The following NKAIN2 variants were observed in gnomAD, a reference collection of about 807,000 sequenced individuals.
NKAIN2 encodes the protein sodium/potassium transporting ATPase interacting 2, also known as sodium/potassium-transporting ATPase subunit beta-1-interacting protein 2.
A neutral mutation model predicts 32.6 loss-of-function variants in NKAIN2; 14 were observed. The observed-to-expected ratio is 0.43, with a 90% CI of 0.28 to 0.67. The LOEUF (loss-of-function observed/expected upper bound fraction) is 0.67. Among genes scored for constraint, NKAIN2 ranks in the 30% least tolerant of loss-of-function variants. NKAIN2 has a pLI of 0.17. For synonymous variants in NKAIN2, 80 were observed against 87.2 expected, an observed-to-expected ratio of 0.92 and a Z score of 0.46; for missense variants, 198 against 258.3, an observed-to-expected ratio of 0.77 and a Z score of 1.60.
At chr6:124,565,383 A>G (rs982525049) in intron 3 of NKAIN2, among the ~76,000 whole-genome samples, 1 of 152,216 alleles carries the variant, frequency 6.6e-6, no homozygotes, top group Non-Finnish European at 1.5e-5. Context: ...TATAATTCAT[A>G]TGAGAGGGCA....
intron 3 of NKAIN2, among the ~76,000 whole-genome samples, chr6:124,488,112 T>A (rs1777726044): frequency 6.6e-6 from 1 of 152,066 alleles, no homozygotes; most frequent in Non-Finnish European, 1.5e-5. Context: ...GCAGCATGCA[T>A]CAAAATTAAT....
intron 1 of NKAIN2, among the ~76,000 whole-genome samples, chr6:123,900,532 GTTTTTTTTTTTTTT>G (rs34370743): frequency 0.01 from 341 of 32,764 alleles, 2 homozygotes; most frequent in Middle Eastern, 0.022. Flanking sequence ...CTCCAGATTA[GTTTTTTTTTTTTTT>G]TTTTTTTTTT....
intron 1 of NKAIN2, among the ~76,000 whole-genome samples, chr6:124,247,515 G>T (rs528297784): frequency 1.3e-5 from 2 of 152,160 alleles, no homozygotes; most frequent in East Asian, 1.9e-4. Flanking sequence ...TATGATATTG[G>T]TATATCAGAA....
In NKAIN2 at chr6:124,019,831, A is replaced by T. The variant is rs78299666; in HGVS notation, c.54+215577A>T. Among the ~76,000 whole-genome samples the T allele has an allele frequency of 4.3e-3, 652 of 152,242 alleles. 25 individuals carry two copies. In the East Asian group the frequency reaches 0.092, roughly 22 times the overall value. ...GATCCCCATCCTGCCCTCACTGGGG[A>T]TAACCACTATTCTCCATTATAACTA... On this transcript the variant is annotated intron_variant, in intron 1 of 6. Coordinates refer to ENST00000368417, the MANE Select transcript of NKAIN2 (RefSeq NM_001040214.3).
At chr6:124,757,401 G>A (rs1054022184) in intron 4 of NKAIN2, among the ~76,000 whole-genome samples, 3 of 152,020 alleles carry the variant, frequency 2.0e-5, no homozygotes, top group African/African-American at 7.2e-5. Flanking sequence ...CTGGATCCCT[G>A]TTCTCATTTT....
intron 1 of NKAIN2, among the ~76,000 whole-genome samples, chr6:123,932,247 T>C (rs1459070765): frequency 6.6e-6 from 1 of 152,094 alleles, no homozygotes; most frequent in Non-Finnish European, 1.5e-5. Context: ...AGATTTTATT[T>C]AATTCCAGTG....
intron 1 of NKAIN2, among the ~76,000 whole-genome samples, chr6:124,026,348 A>G (rs1377341815): frequency 6.7e-6 from 1 of 150,276 alleles, no homozygotes; most frequent in Non-Finnish European, 1.5e-5. Context: ...ATATTCTCTT[A>G]ACCAAATTAG....
chr6:124,080,761 G>A (rs1434871568), intron 1 of NKAIN2, among the ~76,000 whole-genome samples: 1 of 151,942 alleles, frequency 6.6e-6, no homozygotes, highest in African/African-American at 2.4e-5. Context: ...GATCTTTATA[G>A]AAGGCCTTTT....
chr6:123,843,441 CCTT>C (rs1371410424), intron 1 of NKAIN2, among the ~76,000 whole-genome samples: 1 of 152,130 alleles, frequency 6.6e-6, no homozygotes, highest in East Asian at 1.9e-4. Context: ...CTTCTTCTCT[CCTT>C]CTCTGCCGAG....
chr6:124,025,459 GAAA>G (rs5879714), intron 1 of NKAIN2, among the ~76,000 whole-genome samples: 8 of 149,348 alleles, frequency 5.4e-5, no homozygotes, highest in Middle Eastern at 3.5e-3. Context: ...GAATGGAAAG[GAAA>G]AAAAAAAAAT....
intron 3 of NKAIN2, among the ~76,000 whole-genome samples, chr6:124,633,983 C>T (rs1783674049): frequency 6.6e-6 from 1 of 151,764 alleles, no homozygotes; most frequent in Admixed American, 6.6e-5. Flanking sequence ...CTTTCAAACA[C>T]CACTAACATT....
intron 1 of NKAIN2, among the ~76,000 whole-genome samples, chr6:124,274,826 T>G (rs1224378312): frequency 1.3e-5 from 2 of 151,926 alleles, no homozygotes; most frequent in Non-Finnish European, 2.9e-5. Context: ...AAAATTAAGC[T>G]AAAAATCTAA....
At chr6:124,822,106 GTTTA>G (rs755886243) in intron 6 of NKAIN2, among the ~76,000 whole-genome samples, 12 of 152,052 alleles carry the variant, frequency 7.9e-5, no homozygotes, top group Admixed American at 6.6e-4. Context: ...TCTGCATTCT[GTTTA>G]TTTCTTTTTT....
chr6:124,182,545 T>C, intron 1 of NKAIN2, among the ~76,000 whole-genome samples: 1 of 152,230 alleles, frequency 6.6e-6, no homozygotes, highest in East Asian at 1.9e-4. Context: ...TTTTTAATGC[T>C]GTTATCCAAG....
chr6:124,002,113 T>G (rs2114714430), intron 1 of NKAIN2, among the ~76,000 whole-genome samples: 1 of 152,190 alleles, frequency 6.6e-6, no homozygotes, highest in Non-Finnish European at 1.5e-5. Flanking sequence ...ATAAAAATGT[T>G]AATATATTAA....
At chr6:124,248,292 C>A (rs1171623749) in intron 1 of NKAIN2, among the ~76,000 whole-genome samples, 4 of 151,990 alleles carry the variant, frequency 2.6e-5, no homozygotes, top group Non-Finnish European at 5.9e-5. Context: ...TTGCCTTCCA[C>A]TTAAATGTGA....
intron 3 of NKAIN2, among the ~76,000 whole-genome samples, chr6:124,456,351 T>G (rs971643852): frequency 6.6e-6 from 1 of 151,912 alleles, no homozygotes; most frequent in Non-Finnish European, 1.5e-5. Flanking sequence ...CATCTATCTA[T>G]CTGTGTAAAT....
intron 3 of NKAIN2, among the ~76,000 whole-genome samples, chr6:124,650,128 T>C (rs1784316525): frequency 6.6e-6 from 1 of 152,186 alleles, no homozygotes; most frequent in Non-Finnish European, 1.5e-5. Flanking sequence ...TCTTAATATT[T>C]TACTGGAAGT....
chr6:124,237,752 G>A (rs1306694343), intron 1 of NKAIN2, among the ~76,000 whole-genome samples: 1 of 152,052 alleles, frequency 6.6e-6, no homozygotes, highest in African/African-American at 2.4e-5. Context: ...GGTCCTTGAT[G>A]TCCAGTATAG....
Sources: gnomAD v4.1 joint callset for allele counts (sites outside exome capture counted in the v4.1 genomes callset) on GRCh38, gnomAD v4.1.1 for gene constraint, MANE v1.5 for transcripts, NCBI Gene and HGNC (gene_info 2026-07-23, HGNC 2026-07-21) for gene names.